SQLE: variants seen among roughly 807,000 people sequenced by gnomAD.
The protein encoded by SQLE is squalene epoxidase.
SQLE carries 29 observed loss-of-function variants against 60.7 expected under a neutral mutation model. The ratio of observed to expected loss-of-function variants is 0.48; its 90% CI spans 0.36 to 0.65. SQLE has a LOEUF of 0.65. SQLE is among the 30% of genes least tolerant of loss of function. The pLI, the probability that SQLE is intolerant of heterozygous loss-of-function variation, is 0.00. For synonymous variants in SQLE, 237 were observed against 246.8 expected (o/e 0.96, Z 0.37); for missense variants, 605 against 684.1 (o/e 0.88, Z 1.29).
chr8:125,008,290 T>C (rs938424816), intron 4 of SQLE, among the ~76,000 whole-genome samples: 3 of 152,176 alleles, frequency 2.0e-5, no homozygotes, highest in East Asian at 3.8e-4. Context: ...GGTTTCTCCA[T>C]GTTGGTCAGG....
chr8:125,020,904 G>C, intron 10 of SQLE, 33 bp downstream of exon 10: 1 of 1,503,674 alleles, frequency 6.7e-7, no homozygotes. Flanking sequence ...ATACAAACCT[G>C]CCAGATTTTC....
chr8:125,020,382 C>T (rs1362696238), intron 9 of SQLE, among the ~76,000 whole-genome samples: 2 of 152,148 alleles, frequency 1.3e-5, no homozygotes, highest in African/African-American at 4.8e-5. Context: ...ACTCACAGCT[C>T]TCTTCACTTG....
chr8:124,999,606 A>G lies in SQLE; in HGVS notation c.203A>G (p.Asp68Gly), dbSNP rs760313387. The G allele has an allele frequency of 1.9e-6, 3 of 1,613,556 alleles. No homozygotes were observed. Among genetic ancestry groups the G allele is most frequent in the Non-Finnish European group, 2.5e-6 (3 of 1,179,732 alleles). The change falls in exon 1 of 11, where the codon GAT becomes GGT. Residue 68 changes from aspartate (D) to glycine (G), a missense_variant. Asp to Gly is a moderately conservative substitution (Grantham distance 94). Coordinates refer to ENST00000265896, the MANE Select transcript of SQLE (RefSeq NM_003129.4). ...GGCTCCCAGTTCGCCCTCTTCTCGG[A>G]TATTCTCTCAGGCCTGCCTTTCATT... ...QSGSQFALFS[D>G]ILSGLPFIGF...
intron 7 of SQLE, among the ~76,000 whole-genome samples, chr8:125,017,478 G>T (rs1322502592): frequency 6.6e-6 from 1 of 152,002 alleles, no homozygotes; most frequent in African/African-American, 2.4e-5. Context: ...TCAGCTGGTG[G>T]TGAATGCTGC....
intron 1 of SQLE, among the ~76,000 whole-genome samples, chr8:125,000,867 T>C (rs770168647): frequency 6.6e-6 from 1 of 152,216 alleles, no homozygotes; most frequent in Non-Finnish European, 1.5e-5. Flanking sequence ...AAACGCCCAC[T>C]TGCTTTTTAA....
chr8:125,006,985 G>A (rs1293319326), intron 3 of SQLE, among the ~76,000 whole-genome samples: 1 of 152,162 alleles, frequency 6.6e-6, no homozygotes, highest in Non-Finnish European at 1.5e-5. Context: ...TTACAGGTGT[G>A]AGCCACCGTG....
At chr8:125,020,690 T>G in intron 9 of SQLE, 94 bp from the exon 10 acceptor site, 3 of 750,168 alleles carry the variant, frequency 4.0e-6, no homozygotes, top group South Asian at 3.2e-5. Context: ...ATCTGCAAGA[T>G]GTAGCGTTTG....
chr8:125,016,918 T>A lies in SQLE; in HGVS notation c.1205-1141T>A, dbSNP rs1815119814. ...TTGGGTAATATCTGGGAGAATTCCC[T>A]GGATTATCAGGAAAAGAACTCTTGG... On this transcript the variant is annotated intron_variant, in intron 7 of 10. Coordinates refer to ENST00000265896, the MANE Select transcript of SQLE (RefSeq NM_003129.4). The surrounding 1 kb of genome is among the most constrained non-coding windows in gnomAD (Gnocchi z 4.1). Among the ~76,000 whole-genome samples the A allele has an allele frequency of 6.6e-6, 1 of 152,188 alleles. No individual in the cohort carries two copies. The highest frequency in any genetic ancestry group is 2.4e-5 in the African/African-American group (1 of 41,444).
At chr8:125,009,709 C>T (rs1815010281) in intron 6 of SQLE, among the ~76,000 whole-genome samples, 1 of 151,802 alleles carries the variant, frequency 6.6e-6, no homozygotes, top group Admixed American at 6.6e-5. Context: ...GCAGAAGAAT[C>T]GCTTGAACGG....
chr8:125,013,081 T>A (rs2725876), intron 7 of SQLE, among the ~76,000 whole-genome samples: 1,933 of 152,326 alleles, frequency 0.013, 23 homozygotes, highest in Middle Eastern at 0.024. Flanking sequence ...CTTTGCATAT[T>A]TTTTTAATTG....
chr8:124,998,545 G>T lies in SQLE; in HGVS notation c.-859G>T. The T allele has an allele frequency of 4.4e-6, 3 of 677,106 alleles. No individual in the cohort carries two copies. Among genetic ancestry groups the T allele is most frequent in the Admixed American group, 2.1e-5 (1 of 47,724 alleles). 41.9% of individuals were successfully genotyped at this position (677,106 alleles called of 1,614,324 possible). On this transcript the variant is annotated 5_prime_UTR_variant, in exon 1 of 11. Transcript: ENST00000265896. ...TGGCGGCGAGTGGGGGCGTGCGACG[G>T]TTACTCTGGTTACTGGGGCCGCGCC... is the stretch of plus-strand genomic sequence containing the variant.
chr8:125,020,643 T>G (rs1815187987), intron 9 of SQLE, 141 bp from the exon 10 acceptor site: 1 of 587,044 alleles, frequency 1.7e-6, no homozygotes, highest in East Asian at 2.9e-5. Flanking sequence ...GAAGAAATCC[T>G]GGTTGTTGAA....
At chr8:125,006,569 C>T (rs1346687706) in intron 3 of SQLE, among the ~76,000 whole-genome samples, 2 of 144,102 alleles carry the variant, frequency 1.4e-5, no homozygotes, top group African/African-American at 5.1e-5. Context: ...TGCAGTGAGC[C>T]GAGATAGCGC....
chr8:124,999,691 G>T lies in SQLE; in HGVS notation c.288G>T (p.Arg96Ser). The T allele has an allele frequency of 6.3e-7, 1 of 1,582,710 alleles. No individual in the cohort carries two copies. The highest frequency in any genetic ancestry group is 8.6e-7 in the Non-Finnish European group (1 of 1,164,122). Residue 96 changes from arginine (R) to serine (S), a missense_variant, in exon 1 of 11, where the codon AGG becomes AGT. Coordinates refer to ENST00000265896, the MANE Select transcript of SQLE (RefSeq NM_003129.4). ...AAAATAAGGAGCAGCTCGAGGCCAG[G>T]AGGGTAGGTTGATTTCAAAGCGGGC... ...ESENKEQLEARRRRKGTNISE... is the reference protein window; with the variant it reads ...ESENKEQLEASRRRKGTNISE...
At chr8:125,002,583 C>T (rs1175588591) in intron 1 of SQLE, among the ~76,000 whole-genome samples, 1 of 152,038 alleles carries the variant, frequency 6.6e-6, no homozygotes, top group African/African-American at 2.4e-5. Context: ...AGGCTGAGGC[C>T]AGAGAATTGC....
At chr8:124,999,810 TTCTC>T in intron 1 of SQLE, 116 bp downstream of exon 1, 1 of 1,238,520 alleles carries the variant, frequency 8.1e-7, no homozygotes, top group South Asian at 1.6e-5. Flanking sequence ...CTTGTATACA[TTCTC>T]ATGTATTTTT....
chr8:125,019,797 T>G (rs1815173004), intron 9 of SQLE, among the ~76,000 whole-genome samples: 1 of 151,860 alleles, frequency 6.6e-6, no homozygotes, highest in Non-Finnish European at 1.5e-5. Flanking sequence ...TGGTTATAAT[T>G]ACAAAAGATG....
Position 125,011,576 on chromosome 8 carries a change from C to T in SQLE, c.1148C>T (p.Ser383Phe). ...CCATTCTTAGAAGCCACTGACAATT[C>T]TCATCTGAGGTCCATGCCAGCAAGC... ...KEPFLEATDN[S>F]HLRSMPASFL... The change falls in exon 7 of 11, where the codon TCT becomes TTT. Residue 383 changes from serine to phenylalanine, a missense_variant. Coordinates refer to ENST00000265896, the MANE Select transcript of SQLE (RefSeq NM_003129.4). 1 of 1,588,386 alleles carries T rather than the reference C, an allele frequency of 6.3e-7. No homozygotes were observed. Among genetic ancestry groups the T allele is most frequent in the South Asian group, 1.2e-5 (1 of 86,786 alleles).
At chr8:125,021,113 TG>T (rs1478261581) in intron 10 of SQLE, among the ~76,000 whole-genome samples, 3 of 152,152 alleles carry the variant, frequency 2.0e-5, no homozygotes, top group Non-Finnish European at 4.4e-5. Flanking sequence ...AATAGAAGCT[TG>T]TTTTTTGCCT....
Sources: gnomAD v4.1 joint callset for allele counts (sites outside exome capture counted in the v4.1 genomes callset) on GRCh38, gnomAD v4.1.1 for gene constraint, Gnocchi (gnomAD v3.1) non-coding constraint, MANE v1.5 for transcripts, NCBI Gene and HGNC (gene_info 2026-07-23, HGNC 2026-07-21) for gene names.